Variants in AUTS2 observed in about 807,000 individuals in gnomAD.
The protein encoded by AUTS2 is activator of transcription and developmental regulator AUTS2, also known as autism susceptibility gene 2 protein.
AUTS2 carries 17 observed loss-of-function variants against 112.4 expected under a neutral mutation model. The observed-to-expected ratio is 0.15, with a 90% confidence interval of 0.10 to 0.23. The LOEUF (loss-of-function observed/expected upper bound fraction) is 0.23, where lower values mean the gene tolerates loss of function less well. AUTS2 is among the 10% of genes least tolerant of loss of function. The pLI is 1.00. For synonymous variants in AUTS2, 751 were observed against 702.7 expected (o/e 1.07, Z -1.09); for missense variants, 1,510 against 1,701.6 (o/e 0.89, Z 1.98).
At chr7:70,446,578 T>C (rs896579901) in intron 5 of AUTS2, among the ~76,000 whole-genome samples, 11 of 152,236 alleles carry the variant, frequency 7.2e-5, no homozygotes, top group Admixed American at 5.9e-4. Context: ...ATGGTAGTCG[T>C]ACATCATTGC....
chr7:69,907,824 T>C (rs1002464007), intron 2 of AUTS2, among the ~76,000 whole-genome samples: 17 of 152,242 alleles, frequency 1.1e-4, no homozygotes, highest in Admixed American at 7.2e-4. Context: ...GTGGATTTTA[T>C]TGGACTTTGA....
At chr7:69,755,199 G>T (rs1160119072) in intron 1 of AUTS2, among the ~76,000 whole-genome samples, 3 of 152,118 alleles carry the variant, frequency 2.0e-5, no homozygotes, top group Admixed American at 2.0e-4. Context: ...GAATTTTCCA[G>T]CCTCATTTTA....
intron 4 of AUTS2, among the ~76,000 whole-genome samples, chr7:70,163,354 GGGGGCAGA>G (rs1808210045): frequency 1.1e-5 from 1 of 89,878 alleles, no homozygotes; most frequent in African/African-American, 3.5e-5. Flanking sequence ...TGGGGGGGGG[GGGGGCAGA>G]GGGGGAGGGA....
chr7:70,054,904 G>A (rs1801922212), intron 2 of AUTS2, among the ~76,000 whole-genome samples: 1 of 151,914 alleles, frequency 6.6e-6, no homozygotes, highest in Non-Finnish European at 1.5e-5. Context: ...CACTATTTTG[G>A]TCTTCCCTTC....
At chr7:70,708,286 T>G (rs1008247666) in intron 6 of AUTS2, among the ~76,000 whole-genome samples, 3 of 152,334 alleles carry the variant, frequency 2.0e-5, no homozygotes, top group Admixed American at 2.0e-4. Context: ...CCTCTTGGGC[T>G]TCTGTGAAGG....
At chr7:70,214,304 C>A (rs1430264805) in intron 4 of AUTS2, among the ~76,000 whole-genome samples, 1 of 152,174 alleles carries the variant, frequency 6.6e-6, no homozygotes, top group African/African-American at 2.4e-5. Context: ...TTCCACCCAA[C>A]CACATTTTTT....
rs1485784986 is a variant in AUTS2 at position 70,790,757 on chromosome 7, C to T, written c.3541C>T (p.His1181Tyr). 5.6e-6 allele frequency: 9 copies of T among 1,613,456 alleles called. No individual in the cohort carries two copies. The highest frequency in any genetic ancestry group is 7.6e-6 in the Non-Finnish European group (9 of 1,179,912). Reference sequence around the variant, plus strand: ...CGCCTCCCTCGACGGACACCTCCCCCACCCCAGCCTCATCACCCCGGGACT... The same window carrying T: ...CGCCTCCCTCGACGGACACCTCCCCTACCCCAGCCTCATCACCCCGGGACT... ...HPASLDGHLPHPSLITPGLPS... is the reference protein window; with the variant it reads ...HPASLDGHLPYPSLITPGLPS... The change falls in exon 19 of 19, where the codon CAC (histidine) becomes TAC (tyrosine). Residue 1181 changes from histidine to tyrosine, a missense_variant. By Grantham distance (83) the His-to-Tyr change is moderately conservative. This residue lies in a region of AUTS2 where 788 missense variants were observed against 797.6 expected (regional missense o/e 0.99). Transcript: ENST00000342771. The surrounding 1 kb of genome is among the most constrained non-coding windows in gnomAD (Gnocchi z 7.6).
At chr7:70,326,596 G>A (rs972443560) in intron 4 of AUTS2, among the ~76,000 whole-genome samples, 2 of 152,212 alleles carry the variant, frequency 1.3e-5, no homozygotes, top group African/African-American at 2.4e-5. Context: ...TTATTGGCTA[G>A]AAGACAGTAG....
chr7:70,436,013 C>A, intron 5 of AUTS2: 1 of 414,460 alleles, frequency 2.4e-6, no homozygotes. Context: ...ATATATGTGA[C>A]ACTGAGTTTT....
chr7:70,079,989 C>A (rs530931524), intron 2 of AUTS2, among the ~76,000 whole-genome samples: 21 of 152,162 alleles, frequency 1.4e-4, no homozygotes, highest in African/African-American at 5.1e-4. Flanking sequence ...CAGCATTAAT[C>A]CATTCATGAG....
At chr7:70,106,879 T>C (rs1804792641) in intron 2 of AUTS2, among the ~76,000 whole-genome samples, 1 of 152,188 alleles carries the variant, frequency 6.6e-6, no homozygotes, top group Non-Finnish European at 1.5e-5. Flanking sequence ...GTTTTTGCTG[T>C]AGTGATCTTT....
At chr7:70,223,450 G>C (rs557689239) in intron 4 of AUTS2, among the ~76,000 whole-genome samples, 1 of 152,308 alleles carries the variant, frequency 6.6e-6, no homozygotes, top group Non-Finnish European at 1.5e-5. Context: ...TAAGGTTATA[G>C]TGCAACAAAT....
chr7:69,731,108 ATGCCGAAACC>A (rs1426255496), intron 1 of AUTS2, among the ~76,000 whole-genome samples: 1 of 152,200 alleles, frequency 6.6e-6, no homozygotes, highest in Non-Finnish European at 1.5e-5. Context: ...CCTGGGCAAC[ATGCCGAAACC>A]CTGTCTGTAT....
At position 70,078,927 on chromosome 7, in the gene AUTS2, G is replaced by C. The variant is rs189761911; in HGVS notation, c.523-39205G>C. ...GCTAAGAGAGCTTTCAGACACATCT[G>C]TATTAGAAGTAAAATAACTGTTAAT... On this transcript the variant is annotated intron_variant, in intron 2 of 18. Coordinates refer to ENST00000342771, the MANE Select transcript of AUTS2 (RefSeq NM_015570.4). Among the ~76,000 whole-genome samples, 374 of 152,312 alleles carry C rather than the reference G, an allele frequency of 2.5e-3. 3 individuals are homozygous for C. The highest frequency in any genetic ancestry group is 8.5e-3 in the African/African-American group (354 of 41,584).
intron 4 of AUTS2, among the ~76,000 whole-genome samples, chr7:70,408,932 T>C (rs1794658758): frequency 6.6e-6 from 1 of 152,242 alleles, no homozygotes; most frequent in South Asian, 2.1e-4. Flanking sequence ...AATTATCTAC[T>C]GTCTCTAGAT....
chr7:70,358,868 G>C (rs1415507540), intron 4 of AUTS2, among the ~76,000 whole-genome samples: 1 of 152,198 alleles, frequency 6.6e-6, no homozygotes, highest in Non-Finnish European at 1.5e-5. Flanking sequence ...GAAATAAAAT[G>C]GATCCAGCTC....
At chr7:69,738,362 C>A (rs1314581079) in intron 1 of AUTS2, among the ~76,000 whole-genome samples, 1 of 152,036 alleles carries the variant, frequency 6.6e-6, no homozygotes, top group Non-Finnish European at 1.5e-5. Context: ...AATTTGTTTA[C>A]TTCCCACAAT....
In AUTS2 at chr7:70,763,273, C is replaced by G; in HGVS notation, c.1146C>G (p.Pro382=). 6.2e-7 allele frequency: 1 copy of G among 1,612,216 alleles called. No homozygotes were observed. Among genetic ancestry groups the G allele is most frequent in the Non-Finnish European group, 8.5e-7 (1 of 1,179,002 alleles). ...HQNLPPVQAH[P]SAQSLSQPLS... ...ACCTCCCACCTGTGCAGGCCCACCC[C>G]TCTGCTCAGAGCCTCTCCCAGCCAT... Residue 382 remains proline (P), a synonymous_variant, in exon 7 of 19, where the codon CCC becomes CCG. Coordinates refer to ENST00000342771, the MANE Select transcript of AUTS2 (RefSeq NM_015570.4).
At chr7:70,476,376 C>A (rs532714362) in intron 5 of AUTS2, among the ~76,000 whole-genome samples, 2 of 152,254 alleles carry the variant, frequency 1.3e-5, no homozygotes, top group East Asian at 1.9e-4. Flanking sequence ...GCCCTGCCCA[C>A]TCCCAACCTT....
Sources: allele counts gnomAD v4.1 joint callset (sites outside exome capture counted in the v4.1 genomes callset), GRCh38; gene constraint gnomAD v4.1.1; regional missense constraint gnomAD v4.1.1; non-coding constraint Gnocchi (gnomAD v3.1); transcripts MANE v1.5; gene names NCBI Gene and HGNC (gene_info 2026-07-23, HGNC 2026-07-21).